Variants in RBFOX1 observed in about 807,000 individuals in gnomAD.
The protein encoded by RBFOX1 is RNA binding fox-1 homolog 1.
RBFOX1 carries 8 observed loss-of-function variants against 57.7 expected under a neutral mutation model. That is an observed-to-expected ratio of 0.14 (90% CI 0.08 to 0.25). The LOEUF (loss-of-function observed/expected upper bound fraction) is 0.25. Ranked by LOEUF, RBFOX1 falls within the 10% of genes least tolerant of loss-of-function variation. The pLI, the probability that RBFOX1 is intolerant of heterozygous loss-of-function variation, is 1.00. For missense variants in RBFOX1, 611 were observed against 548.5 expected (o/e 1.11, Z -1.14); for synonymous variants, 326 against 222.4 (o/e 1.47, Z -4.15).
chr16:5,941,091 A>C (rs1160457561), intron 4 of RBFOX1, among the ~76,000 whole-genome samples: 3 of 152,128 alleles, frequency 2.0e-5, no homozygotes, highest in Admixed American at 2.0e-4. Flanking sequence ...CCTGGGATAC[A>C]CCCATCCCCA....
chr16:7,302,441 G>A (rs1257848851), intron 4 of RBFOX1, among the ~76,000 whole-genome samples: 2 of 152,118 alleles, frequency 1.3e-5, no homozygotes, highest in East Asian at 3.9e-4. Context: ...GAGGAGGAGG[G>A]GATATTTGGG....
chr16:5,939,844 C>G (rs1417077698), intron 4 of RBFOX1, among the ~76,000 whole-genome samples: 1 of 152,160 alleles, frequency 6.6e-6, no homozygotes, highest in East Asian at 1.9e-4. Flanking sequence ...ACATGGGGAT[C>G]TATTGAGGCA....
At chr16:5,906,050 G>C (rs2058447313) in intron 4 of RBFOX1, among the ~76,000 whole-genome samples, 2 of 152,122 alleles carry the variant, frequency 1.3e-5, no homozygotes, top group African/African-American at 4.8e-5. Context: ...CTGTGAGTGG[G>C]GGTAGTCGCT....
At chr16:6,745,660 G>A (rs550381193) in intron 3 of RBFOX1, among the ~76,000 whole-genome samples, 11 of 152,296 alleles carry the variant, frequency 7.2e-5, no homozygotes, top group Admixed American at 2.0e-4. Flanking sequence ...ATGATAAAAG[G>A]CATCTATGGA....
At chr16:6,226,961 A>C (rs892466078) in intron 1 of RBFOX1, among the ~76,000 whole-genome samples, 6 of 151,240 alleles carry the variant, frequency 4.0e-5, no homozygotes, top group Non-Finnish European at 8.8e-5. Context: ...AAAAAAAAAA[A>C]AAAAATACAA....
Position 7,250,170 on chromosome 16 carries a change from T to C in RBFOX1, c.27+198072T>C, listed in dbSNP as rs370139037. Among the ~76,000 whole-genome samples the C allele has an allele frequency of 2.0e-3, 298 of 152,344 alleles. 3 individuals are homozygous for C. Among genetic ancestry groups the C allele is most frequent in the African/African-American group, 6.5e-3 (271 of 41,578 alleles). ...TTGATTTTCGAGAGAAGTATCTTTA[T>C]GTTTTGTTTTTAAAATTCAAATGTG... On this transcript the variant is annotated intron_variant, in intron 4 of 15. Transcript: ENST00000550418.
In RBFOX1 at chr16:7,103,758, G is replaced by A. The variant is rs1599592199; in HGVS notation, c.27+51660G>A. On this transcript the variant is annotated intron_variant, in intron 4 of 15. Coordinates refer to ENST00000550418, the MANE Select transcript of RBFOX1 (RefSeq NM_018723.4). ...AACAAGTCTGGTGGTATCAGAATTTGTACAGAAAAACCTCTAAGGTACCCA... is the reference window on the plus strand; with the variant it reads ...AACAAGTCTGGTGGTATCAGAATTTATACAGAAAAACCTCTAAGGTACCCA... Among the ~76,000 whole-genome samples the A allele has an allele frequency of 2.0e-5, 3 of 152,260 alleles. No individual in the cohort carries two copies. The South Asian group carries it at 6.2e-4, about 32-fold the overall frequency.
intron 1 of RBFOX1, among the ~76,000 whole-genome samples, chr16:6,185,472 A>G (rs2097099258): frequency 6.6e-6 from 1 of 152,232 alleles, no homozygotes; most frequent in Admixed American, 6.5e-5. Flanking sequence ...TGAGTATTCA[A>G]TAGCAGAACT....
intron 4 of RBFOX1, among the ~76,000 whole-genome samples, chr16:5,980,515 T>C (rs1236130768): frequency 6.6e-6 from 1 of 152,154 alleles, no homozygotes; most frequent in Non-Finnish European, 1.5e-5. Context: ...ATTGGCTACC[T>C]GTGGGGCAAT....
At chr16:7,615,090 T>G (rs1411191142) in intron 10 of RBFOX1, 1 of 152,214 alleles carries the variant, frequency 6.6e-6, no homozygotes, top group Non-Finnish European at 1.5e-5. Flanking sequence ...TCCCAGCACT[T>G]TGGGAGGCCA....
rs542041355 is a variant in RBFOX1, at chr16:5,736,638, C to T, written c.319-130665C>T. ...AATTTTTCTTAATTTATTTTTTGAA[C>T]AGTCTCTCTGTCACCTGGCATTTTC... On this transcript the variant is annotated intron_variant, in intron 3 of 19. Transcript: ENST00000641259. 9.8e-4 allele frequency among the ~76,000 whole-genome samples: 149 copies of T among 152,136 alleles called. 2 individuals are homozygous for T. The highest frequency in any genetic ancestry group is 3.5e-3 in the African/African-American group (144 of 41,508).
intron 4 of RBFOX1, among the ~76,000 whole-genome samples, chr16:7,085,613 G>A (rs906181397): frequency 6.6e-6 from 1 of 152,056 alleles, no homozygotes; most frequent in Non-Finnish European, 1.5e-5. Context: ...TTAAAGAGTA[G>A]GGTGCTTAGT....
At chr16:5,635,178 C>G (rs772128225) in intron 3 of RBFOX1, among the ~76,000 whole-genome samples, 3 of 152,194 alleles carry the variant, frequency 2.0e-5, no homozygotes, top group Non-Finnish European at 2.9e-5. Flanking sequence ...TAGTTACATT[C>G]CATTTAAAAG....
chr16:7,338,330 A>C (rs879477261), intron 4 of RBFOX1, among the ~76,000 whole-genome samples: 1 of 152,184 alleles, frequency 6.6e-6, no homozygotes, highest in Non-Finnish European at 1.5e-5. Context: ...AGTGGCAGAA[A>C]AATGCCAATG....
chr16:6,854,044 T>A (rs74007115), intron 3 of RBFOX1, among the ~76,000 whole-genome samples: 13,241 of 152,296 alleles, frequency 0.087, 639 homozygotes, highest in Middle Eastern at 0.12. Context: ...CTCAGGCAGT[T>A]AAGTCTTTGT....
chr16:6,247,116 C>G (rs2097573697), intron 1 of RBFOX1, among the ~76,000 whole-genome samples: 1 of 152,192 alleles, frequency 6.6e-6, no homozygotes, highest in Non-Finnish European at 1.5e-5. Context: ...GCATTGGTCA[C>G]TTTCAATCAT....
At chr16:7,412,964 C>T (rs1310385225) in intron 4 of RBFOX1, among the ~76,000 whole-genome samples, 1 of 152,208 alleles carries the variant, frequency 6.6e-6, no homozygotes, top group Non-Finnish European at 1.5e-5. Context: ...ATGGCGTGAA[C>T]CCGGGAGGCG....
intron 1 of RBFOX1, among the ~76,000 whole-genome samples, chr16:6,163,003 G>C (rs1423202201): frequency 6.6e-6 from 1 of 152,116 alleles, no homozygotes; most frequent in Non-Finnish European, 1.5e-5. Context: ...CAAAGTGCTG[G>C]GGTTGCATGT....
chr16:5,378,247 C>A (rs990092784), intron 1 of RBFOX1, among the ~76,000 whole-genome samples: 8 of 151,642 alleles, frequency 5.3e-5, no homozygotes, highest in Non-Finnish European at 1.2e-4. Flanking sequence ...TGAGGGATCT[C>A]CTGGGATGTG....
Sources: gnomAD v4.1 joint callset for allele counts (sites outside exome capture counted in the v4.1 genomes callset) on GRCh38, gnomAD v4.1.1 for gene constraint, MANE v1.5 for transcripts, NCBI Gene and HGNC (gene_info 2026-07-23, HGNC 2026-07-21) for gene names.